The following KDM4A variants were observed in gnomAD, a reference collection of about 807,000 sequenced individuals.
The protein encoded by KDM4A is lysine demethylase 4A, also known as lysine-specific demethylase 4A.
A neutral mutation model predicts 127.1 loss-of-function variants in KDM4A; 23 were observed. The observed-to-expected ratio is 0.18, with a 90% CI of 0.13 to 0.26. KDM4A has a LOEUF of 0.26. Among genes scored for constraint, KDM4A ranks in the 10% least tolerant of loss-of-function variants. The pLI is 1.00. For missense variants in KDM4A, 890 were observed against 1,329.1 expected, an observed-to-expected ratio of 0.67 and a Z score of 5.14; for synonymous variants, 443 against 466.5, an observed-to-expected ratio of 0.95 and a Z score of 0.65.
In KDM4A at chr1:43,653,318, G is replaced by A. The variant is rs1363521989; in HGVS notation, c.138+5G>A. On this transcript the variant is annotated splice_donor_5th_base_variant and intron_variant, in intron 2 of 21. Coordinates refer to ENST00000372396, the MANE Select transcript of KDM4A (RefSeq NM_014663.3). The stretch of plus-strand genomic sequence containing the variant: ...CATCGGGCAGGGCTAGCCAAGGTAA[G>A]GAGCTGGGATTGTTCAAATGGTTTT... The A allele has an allele frequency of 1.2e-6, 2 of 1,608,766 alleles. No homozygotes were observed. Among genetic ancestry groups the A allele is most frequent in the Admixed American group, 1.7e-5 (1 of 58,740 alleles).
chr1:43,696,874 GCA>G (rs770933226), intron 18 of KDM4A, among the ~76,000 whole-genome samples: 5 of 152,004 alleles, frequency 3.3e-5, no homozygotes, highest in African/African-American at 7.2e-5. Flanking sequence ...TATATGCCAG[GCA>G]CAGTTTTAGG....
intron 4 of KDM4A, among the ~76,000 whole-genome samples, chr1:43,662,593 C>T (rs577174224): frequency 2.0e-5 from 3 of 152,224 alleles, no homozygotes; most frequent in East Asian, 3.9e-4. Context: ...AGCAACAGAG[C>T]GAGACTCCGT....
At chr1:43,682,725 T>G (rs1660886060) in intron 11 of KDM4A, among the ~76,000 whole-genome samples, 1 of 152,240 alleles carries the variant, frequency 6.6e-6, no homozygotes, top group Admixed American at 6.5e-5. Context: ...TGTTTTCTCT[T>G]GGCATTCCAA....
chr1:43,703,201 C>CA (rs1399706217), intron 19 of KDM4A, among the ~76,000 whole-genome samples: 1 of 151,866 alleles, frequency 6.6e-6, no homozygotes, highest in African/African-American at 2.4e-5. Context: ...CTCAGCCTCC[C>CA]AAAGTGCTGC....
intron 12 of KDM4A, among the ~76,000 whole-genome samples, chr1:43,687,685 T>G (rs1661018638): frequency 1.3e-5 from 2 of 152,040 alleles, no homozygotes; most frequent in African/African-American, 4.8e-5. Context: ...TTTACTTCCC[T>G]GTTTCTGTTT....
At chr1:43,653,605 T>A (rs1322028115) in intron 2 of KDM4A, 1 of 233,030 alleles carries the variant, frequency 4.3e-6, no homozygotes, top group Non-Finnish European at 8.4e-6. Flanking sequence ...GGTGCTGTGG[T>A]GTTATTGAAC....
rs1468976666 is a variant in KDM4A, at chr1:43,692,311, G to A, written c.2375G>A (p.Arg792Lys). 3.7e-6 allele frequency: 6 copies of A among 1,613,786 alleles called. No individual in the cohort carries two copies. The highest frequency in any genetic ancestry group is 1.3e-5 in the African/African-American group (1 of 75,038). ...GGALQRANDDRWVHVSCAVAI... is the reference protein window; with the variant it reads ...GGALQRANDDKWVHVSCAVAI... ...GCCCTGCAGAGAGCAAATGATGACA[G>A]GTAAGTTTCCTGAGCAGTGCCTTGG... Residue 792 changes from arginine (R) to lysine (K), a missense_variant and splice_region_variant, in exon 16 of 22, where the codon AGG (arginine) becomes AAG (lysine). This residue lies in a region of KDM4A where 246 missense variants were observed against 418.4 expected (regional missense o/e 0.59). Transcript: ENST00000372396.
intron 3 of KDM4A, among the ~76,000 whole-genome samples, chr1:43,656,329 GT>G (rs11438925): frequency 0.016 from 855 of 54,118 alleles, 1 homozygote; most frequent in African/African-American, 0.066. Flanking sequence ...TCTGCTGTTG[GT>G]TTTTTTTTTT....
intron 20 of KDM4A, 24 bp from the exon 21 acceptor site, chr1:43,703,995 CA>C (rs1192697255): frequency 6.2e-7 from 1 of 1,602,750 alleles, no homozygotes; most frequent in Non-Finnish European, 8.5e-7. Flanking sequence ...ATATCCTAGC[CA>C]AAAGGCCTTT....
At chr1:43,691,405 C>A (rs1302695474) in intron 14 of KDM4A, 91 bp from the exon 15 acceptor site, 14 of 1,054,558 alleles carry the variant, frequency 1.3e-5, no homozygotes, top group Admixed American at 1.0e-4. Context: ...TTGGTTGTAG[C>A]TTTGGGAGGT....
chr1:43,653,629 T>A (rs1660169546), intron 2 of KDM4A: 1 of 193,554 alleles, frequency 5.2e-6, no homozygotes, highest in Non-Finnish European at 1.1e-5. Context: ...CAGTGAGTGC[T>A]TATGCCATCT....
At position 43,704,767 on chromosome 1, in the gene KDM4A, A is replaced by T. The variant is rs1430812547; in HGVS notation, c.*397A>T. ...TGCCCCAACCCCTACTTTTGTATTT[A>T]TATGTGTGTGTGTGTGTGCGTGCGT... On this transcript the variant is annotated 3_prime_UTR_variant, in exon 22 of 22. Transcript: ENST00000372396. 1 of 235,822 alleles carries T rather than the reference A, an allele frequency of 4.2e-6. No individual in the cohort carries two copies. The highest frequency in any genetic ancestry group is 1.1e-4 in the East Asian group (1 of 8,916). 14.6% of individuals were successfully genotyped at this position (235,822 alleles called of 1,614,324 possible).
At chr1:43,698,082 C>T (rs1661286827) in intron 19 of KDM4A, 69 bp downstream of exon 19, 8 of 1,501,934 alleles carry the variant, frequency 5.3e-6, no homozygotes, top group Non-Finnish European at 6.4e-6. Context: ...GGCTGGCAGA[C>T]TGTGTGTGTA....
At chr1:43,666,301 G>C in intron 6 of KDM4A, 151 bp from the exon 7 acceptor site, 1 of 629,768 alleles carries the variant, frequency 1.6e-6, no homozygotes, top group African/African-American at 1.8e-5. Context: ...CAGAATCTTA[G>C]AATTGGTGCG....
At chr1:43,650,807 A>C (rs1244107199) in intron 1 of KDM4A, 1 of 152,358 alleles carries the variant, frequency 6.6e-6, no homozygotes, top group African/African-American at 2.4e-5. Flanking sequence ...TCACACAGCC[A>C]AGGTCACATA....
intron 3 of KDM4A, among the ~76,000 whole-genome samples, chr1:43,659,895 G>A (rs1442175106): frequency 6.6e-6 from 1 of 151,994 alleles, no homozygotes; most frequent in African/African-American, 2.4e-5. Flanking sequence ...AATGCTGTTG[G>A]AAAGCCTTAG....
rs760488268 is a variant in KDM4A, at chr1:43,689,002, T to A, written c.1944T>A (p.Pro648=). The A allele has an allele frequency of 9.0e-5, 145 of 1,614,022 alleles. No individual in the cohort carries two copies. The highest frequency in any genetic ancestry group is 1.1e-4 in the Non-Finnish European group (135 of 1,180,046). Residue 648 remains proline, a synonymous_variant, in exon 13 of 22, where the codon CCT becomes CCA. Coordinates refer to ENST00000372396, the MANE Select transcript of KDM4A (RefSeq NM_014663.3). ...TGAGCCAACTGTGGCAGAACCGACCTCCAAACTTTGAGGCTGAGAAGGAAT... is the reference window on the plus strand; with the variant it reads ...TGAGCCAACTGTGGCAGAACCGACCACCAAACTTTGAGGCTGAGAAGGAAT... The part of the protein sequence containing the change: ...KPLSQLWQNR[P]PNFEAEKEFN...
chr1:43,685,755 GTC>G (rs1186620559), intron 12 of KDM4A, among the ~76,000 whole-genome samples: 1 of 135,256 alleles, frequency 7.4e-6, no homozygotes, highest in African/African-American at 2.7e-5. Flanking sequence ...GCGACAGCGA[GTC>G]TCTGTCTCAA....
At chr1:43,658,857 C>G (rs914502716) in intron 3 of KDM4A, among the ~76,000 whole-genome samples, 7 of 151,940 alleles carry the variant, frequency 4.6e-5, no homozygotes, top group Non-Finnish European at 7.4e-5. Flanking sequence ...TGTTGCTGGT[C>G]TCAAACTCTT....
Sources: gnomAD v4.1 joint callset for allele counts (sites outside exome capture counted in the v4.1 genomes callset) on GRCh38, gnomAD v4.1.1 for gene constraint, gnomAD v4.1.1 regional missense constraint, MANE v1.5 for transcripts, NCBI Gene and HGNC (gene_info 2026-07-23, HGNC 2026-07-21) for gene names.